The following DYNC1LI1 variants were observed in gnomAD, a reference collection of about 807,000 sequenced individuals.
DYNC1LI1 encodes the protein dynein cytoplasmic 1 light intermediate chain 1.
DYNC1LI1 carries 19 observed loss-of-function variants against 63.8 expected under a neutral mutation model. That is an observed-to-expected ratio of 0.30 (90% CI 0.21 to 0.44). DYNC1LI1 has a LOEUF of 0.44. Ranked by LOEUF, DYNC1LI1 falls within the 20% of genes least tolerant of loss-of-function variation. DYNC1LI1 has a pLI of 1.00. For synonymous variants in DYNC1LI1, 225 were observed against 232.3 expected, an observed-to-expected ratio of 0.97 and a Z score of 0.28; for missense variants, 565 against 630.2, an observed-to-expected ratio of 0.90 and a Z score of 1.11.
chr3:32,534,691 C>A (rs62252795), intron 6 of DYNC1LI1, 45 bp from the exon 7 acceptor site: 14 of 1,445,192 alleles, frequency 9.7e-6, no homozygotes, highest in Non-Finnish European at 1.8e-6. Flanking sequence ...ATGTCATGAG[C>A]AAATACCATA....
At chr3:32,565,829 G>A (rs1011763729) in intron 2 of DYNC1LI1, among the ~76,000 whole-genome samples, 3 of 152,068 alleles carry the variant, frequency 2.0e-5, no homozygotes, top group Non-Finnish European at 4.4e-5. Flanking sequence ...GGCTGGTCTC[G>A]AACTCTTGAC....
At chr3:32,540,903 TTAAAC>T in intron 5 of DYNC1LI1, 129 bp downstream of exon 5, 1 of 571,766 alleles carries the variant, frequency 1.7e-6, no homozygotes, top group Non-Finnish European at 2.9e-6. Flanking sequence ...ATTAAATACT[TTAAAC>T]TATTATTTGT....
intron 6 of DYNC1LI1, among the ~76,000 whole-genome samples, chr3:32,535,586 C>T (rs773096816): frequency 6.6e-6 from 1 of 152,144 alleles, no homozygotes; most frequent in Non-Finnish European, 1.5e-5. Context: ...ATGGTAGAGA[C>T]AAACATAATC....
intron 4 of DYNC1LI1, among the ~76,000 whole-genome samples, chr3:32,543,036 G>A (rs532387595): frequency 6.6e-6 from 1 of 152,156 alleles, no homozygotes; most frequent in African/African-American, 2.4e-5. Flanking sequence ...ACAGATTACT[G>A]TTTCCACCCT....
rs986028052 is a variant in DYNC1LI1 at position 32,570,806 on chromosome 3, A to G, written c.-36T>C. On this transcript the variant is annotated 5_prime_UTR_variant, in exon 1 of 13. Coordinates refer to ENST00000273130, the MANE Select transcript of DYNC1LI1 (RefSeq NM_016141.4). ...AATCACACCACTCCCGGCAAGACTA[A>G]ATGTGCGAGGCGGCTGAGGCGGTGG... The G allele has an allele frequency of 1.3e-6, 2 of 1,584,402 alleles. No individual in the cohort carries two copies. The highest frequency in any genetic ancestry group is 1.7e-6 in the Non-Finnish European group (2 of 1,162,850).
chr3:32,545,580 G>A, intron 3 of DYNC1LI1: 2 of 420,330 alleles, frequency 4.8e-6, no homozygotes, highest in Admixed American at 8.6e-5. Flanking sequence ...CACTATCTGA[G>A]GGAAGATGAA....
chr3:32,548,943 AT>A (rs1160775315), intron 2 of DYNC1LI1, among the ~76,000 whole-genome samples: 1 of 152,132 alleles, frequency 6.6e-6, no homozygotes, highest in Non-Finnish European at 1.5e-5. Flanking sequence ...AAACTGGCCC[AT>A]CAAAAAAAGA....
At chr3:32,530,131 T>G (rs1697675508) in intron 10 of DYNC1LI1, among the ~76,000 whole-genome samples, 153 bp downstream of exon 10, 1 of 152,160 alleles carries the variant, frequency 6.6e-6, no homozygotes, top group South Asian at 2.1e-4. Context: ...AAATAGATCT[T>G]TACACTTTTA....
chr3:32,530,635 A>G lies in DYNC1LI1; in HGVS notation c.1081-115T>C, dbSNP rs138771608. 35 of 917,240 alleles carry G rather than the reference A, an allele frequency of 3.8e-5. No homozygotes were observed. The African/African-American group carries it at 3.8e-4, about 10-fold the overall frequency. 56.8% of individuals were successfully genotyped at this position (917,240 alleles called of 1,614,324 possible). ...CAGTTCAAGAATTTGAACATTACCT[A>G]TACTATATTTATATTCACATGCGTG... On this transcript the variant is annotated intron_variant, in intron 8 of 12. Transcript: ENST00000273130.
chr3:32,542,510 T>C (rs922687009), intron 4 of DYNC1LI1, among the ~76,000 whole-genome samples: 11 of 150,848 alleles, frequency 7.3e-5, no homozygotes, highest in Middle Eastern at 3.4e-3. Context: ...TGCGTTCAAG[T>C]GATTCTCCTG....
chr3:32,563,601 T>C (rs1698221478), intron 2 of DYNC1LI1, among the ~76,000 whole-genome samples: 1 of 152,172 alleles, frequency 6.6e-6, no homozygotes, highest in South Asian at 2.1e-4. Context: ...CACTTAGACT[T>C]GTTAGTGACA....
At chr3:32,555,734 T>C (rs918629686) in intron 2 of DYNC1LI1, among the ~76,000 whole-genome samples, 19 of 152,336 alleles carry the variant, frequency 1.2e-4, no homozygotes, top group South Asian at 4.1e-4. Context: ...CAGGGCATTC[T>C]AGTTAATGAT....
intron 2 of DYNC1LI1, among the ~76,000 whole-genome samples, chr3:32,568,457 A>C (rs1316810860): frequency 6.6e-6 from 1 of 152,208 alleles, no homozygotes; most frequent in Non-Finnish European, 1.5e-5. Flanking sequence ...AAAAATATTA[A>C]ATTTCAAGCT....
Position 32,566,740 on chromosome 3 carries a change from AAAAC to A in DYNC1LI1, c.220+3602_220+3605del, listed in dbSNP as rs748512661. 224 of 438,306 alleles carry A rather than the reference AAAAC, an allele frequency of 5.1e-4. 1 individual carries two copies. The highest frequency in any genetic ancestry group is 7.3e-4 in the Middle Eastern group (1 of 1,378). The allele number at this position is 438,306 out of a possible 1,614,324, so 27.2% of individuals were successfully genotyped here. A position where few individuals can be genotyped will look rare whatever the true frequency, so the allele number is the denominator to read the frequency against. Reference sequence around the variant, plus strand: ...GCAACAAGAGTGAAACTCCATCTCAAAAACAAACAAACAAACAAACAAAAAAACA... The same window carrying A: ...GCAACAAGAGTGAAACTCCATCTCAAAAACAAACAAACAAACAAAAAAACA... On this transcript the variant is annotated intron_variant, in intron 2 of 12. Coordinates refer to ENST00000273130, the MANE Select transcript of DYNC1LI1 (RefSeq NM_016141.4).
At position 32,563,955 on chromosome 3, in the gene DYNC1LI1, A is replaced by G. The variant is rs114460048; in HGVS notation, c.220+6391T>C. On this transcript the variant is annotated intron_variant, in intron 2 of 12. Coordinates refer to ENST00000273130, the MANE Select transcript of DYNC1LI1 (RefSeq NM_016141.4). Reference sequence around the variant, plus strand: ...TGCCACACACCATATCCCATTAACTAGAAATCTCTATTAACTGGCATTTGT... The same window carrying G: ...TGCCACACACCATATCCCATTAACTGGAAATCTCTATTAACTGGCATTTGT... 5.3e-3 allele frequency among the ~76,000 whole-genome samples: 814 copies of G among 152,352 alleles called. 12 individuals carry two copies. Among genetic ancestry groups the G allele is most frequent in the African/African-American group, 0.018 (769 of 41,572 alleles).
intron 10 of DYNC1LI1, 152 bp from the exon 11 acceptor site, chr3:32,529,812 T>G (rs1697670992): frequency 1.6e-6 from 1 of 626,228 alleles, no homozygotes; most frequent in Non-Finnish European, 2.6e-6. Context: ...AGCAATCCTG[T>G]CCTCATTATT....
At chr3:32,541,389 T>C (rs1697880963) in intron 4 of DYNC1LI1, among the ~76,000 whole-genome samples, 183 bp from the exon 5 acceptor site, 1 of 152,160 alleles carries the variant, frequency 6.6e-6, no homozygotes, top group Non-Finnish European at 1.5e-5. Flanking sequence ...CAGTAATAAT[T>C]AGGAGACAGA....
In DYNC1LI1 at chr3:32,570,328, G is replaced by A. The variant is rs930945387; in HGVS notation, c.220+18C>T. On this transcript the variant is annotated intron_variant, in intron 2 of 12. Transcript: ENST00000273130. Reference sequence around the variant, plus strand: ...CGCTGGGGGCCGGGCGGGGCGGGGCGAGGCAGGGAACACTTACCCAGCAGT... The same window carrying A: ...CGCTGGGGGCCGGGCGGGGCGGGGCAAGGCAGGGAACACTTACCCAGCAGT... The A allele has an allele frequency of 4.4e-6, 7 of 1,580,636 alleles. No homozygotes were observed. Among genetic ancestry groups the A allele is most frequent in the African/African-American group, 2.7e-5 (2 of 74,282 alleles).
At chr3:32,549,795 A>ACAATT (rs1698007267) in intron 2 of DYNC1LI1, among the ~76,000 whole-genome samples, 1 of 152,220 alleles carries the variant, frequency 6.6e-6, no homozygotes, top group South Asian at 2.1e-4. Context: ...CACAATATAC[A>ACAATT]CAATTTTTGT....
Sources: gnomAD v4.1 joint callset for allele counts (sites outside exome capture counted in the v4.1 genomes callset) on GRCh38, gnomAD v4.1.1 for gene constraint, MANE v1.5 for transcripts, NCBI Gene and HGNC (gene_info 2026-07-23, HGNC 2026-07-21) for gene names.